Variants in SNTG2 observed in about 807,000 individuals in gnomAD.
The protein encoded by SNTG2 is syntrophin gamma 2, also known as gamma-2-syntrophin.
A neutral mutation model predicts 70.9 loss-of-function variants in SNTG2; 74 were observed. That is an observed-to-expected ratio of 1.04 (90% CI 0.86 to 1.27). The LOEUF is 1.27. Among genes scored for constraint, SNTG2 ranks in the 50% most tolerant of loss-of-function variants. The pLI, the probability that SNTG2 is intolerant of heterozygous loss-of-function variation, is 0.00. For synonymous variants in SNTG2, 278 were observed against 273.8 expected, an observed-to-expected ratio of 1.02 and a Z score of -0.15; for missense variants, 717 against 690.7, an observed-to-expected ratio of 1.04 and a Z score of -0.43.
intron 16 of SNTG2, among the ~76,000 whole-genome samples, chr2:1,366,634 G>A (rs148544171): frequency 6.6e-6 from 1 of 152,310 alleles, no homozygotes; most frequent in African/African-American, 2.4e-5. Flanking sequence ...GTAGCCATGG[G>A]GACAGGGTGG....
intron 1 of SNTG2, among the ~76,000 whole-genome samples, chr2:1,014,820 G>C (rs529773731): frequency 6.6e-6 from 1 of 152,304 alleles, no homozygotes; most frequent in Admixed American, 6.5e-5. Flanking sequence ...AGGGTGGAGA[G>C]ACATGGAATT....
intron 14 of SNTG2, among the ~76,000 whole-genome samples, chr2:1,274,241 C>T (rs529738487): frequency 1.4e-4 from 22 of 152,312 alleles, no homozygotes; most frequent in African/African-American, 5.3e-4. Flanking sequence ...GACAAATTCG[C>T]CACAAGATCC....
At chr2:1,193,127 C>A (rs918655800) in intron 8 of SNTG2, among the ~76,000 whole-genome samples, 3 of 152,182 alleles carry the variant, frequency 2.0e-5, no homozygotes, top group Admixed American at 6.5e-5. Flanking sequence ...GCAGCAGGCC[C>A]CCCAAATTCC....
Position 1,085,765 on chromosome 2 carries a change from A to G in SNTG2, c.210+2110A>G, listed in dbSNP as rs1664646869. The stretch of plus-strand genomic sequence containing the variant: ...TCTCAGGATTCTGTCTCCCAGAGAC[A>G]GTGTGGGCTTTCAGGACGGGAGAGC... On this transcript the variant is annotated intron_variant, in intron 2 of 16. Transcript: ENST00000308624. Among the ~76,000 whole-genome samples, 3 of 152,360 alleles carry G rather than the reference A, an allele frequency of 2.0e-5. No individual in the cohort carries two copies. The South Asian group carries it at 6.2e-4, about 32-fold the overall frequency.
In SNTG2 at chr2:1,005,806, AATATATATATATATATAT is replaced by A. The variant is rs56246912; in HGVS notation, c.72+54790_72+54807del. ...GCGACAGAGCAAGACTCTGCCTCAA[AATATATATATATATATAT>A]ATATATATATATATATATATATATA... On this transcript the variant is annotated intron_variant, in intron 1 of 16. Transcript: ENST00000308624. Among the ~76,000 whole-genome samples the A allele has an allele frequency of 2.3e-3, 73 of 31,202 alleles. 3 individuals carry two copies. The highest frequency in any genetic ancestry group is 4.2e-3 in the East Asian group (4 of 952). The allele number at this position is 31,202 out of a possible 152,430, so 20.5% of individuals were successfully genotyped here. A position where few individuals can be genotyped will look rare whatever the true frequency, so the allele number is the denominator to read the frequency against.
At chr2:1,235,218 C>T (rs1333223084) in intron 9 of SNTG2, among the ~76,000 whole-genome samples, 2 of 144,292 alleles carry the variant, frequency 1.4e-5, no homozygotes, top group Admixed American at 6.8e-5. Context: ...CCACCAGGCA[C>T]CCCCGATTCA....
intron 1 of SNTG2, among the ~76,000 whole-genome samples, chr2:971,743 G>A (rs1660748721): frequency 1.3e-5 from 2 of 149,242 alleles, no homozygotes; most frequent in Non-Finnish European, 3.0e-5. Flanking sequence ...CTTAAGATAT[G>A]ATGTTAGGTT....
chr2:988,066 C>A (rs1407565566), intron 1 of SNTG2, among the ~76,000 whole-genome samples: 1 of 152,242 alleles, frequency 6.6e-6, no homozygotes, highest in East Asian at 1.9e-4. Flanking sequence ...CCTCCCGCCC[C>A]TTTGGCAGGA....
intron 6 of SNTG2, among the ~76,000 whole-genome samples, chr2:1,144,170 A>G (rs1319805026): frequency 6.6e-6 from 1 of 152,148 alleles, no homozygotes; most frequent in African/African-American, 2.4e-5. Flanking sequence ...ACCCCGAGAC[A>G]TATGGGAAAG....
chr2:1,049,874 T>C (rs148084839), intron 1 of SNTG2, among the ~76,000 whole-genome samples: 264 of 152,354 alleles, frequency 1.7e-3, no homozygotes, highest in African/African-American at 6.2e-3. Context: ...CTGTTTTAAC[T>C]GGCAGTTCTC....
chr2:1,157,515 C>T (rs865971225), intron 6 of SNTG2, among the ~76,000 whole-genome samples: 1 of 152,200 alleles, frequency 6.6e-6, no homozygotes, highest in South Asian at 2.1e-4. Context: ...CAGGGCTGTG[C>T]ACGTCCCTCA....
chr2:1,222,109 C>CTGCCTATCTCTGTCTCTGTTTCTCTCTG (rs760978420), intron 9 of SNTG2, among the ~76,000 whole-genome samples: 1 of 44,530 alleles, frequency 2.2e-5, no homozygotes, highest in Non-Finnish European at 4.6e-5. Flanking sequence ...CTCTCTGTCT[C>CTGCCTATCTCTGTCTCTGTTTCTCTCTG]TCTCTGTCTC....
rs1345051548 is a variant in SNTG2, at chr2:1,222,605, GT to G, written c.719+13376del. ...CTCCCTGTCCTGCCTGCTGCTGGAGGTGCTGGATCGCTGTAGAGGAAAGCGG... is the reference window on the plus strand; with the variant it reads ...CTCCCTGTCCTGCCTGCTGCTGGAGGGCTGGATCGCTGTAGAGGAAAGCGG... On this transcript the variant is annotated intron_variant, in intron 9 of 16. Transcript: ENST00000308624. Among the ~76,000 whole-genome samples, 19 of 4,702 alleles carry G rather than the reference GT, an allele frequency of 4.0e-3. 3 individuals are homozygous for G. Among genetic ancestry groups the G allele is most frequent in the Middle Eastern group, 0.031 (1 of 32 alleles). The allele number at this position is 4,702 out of a possible 152,430, so 3.1% of individuals were successfully genotyped here.
At chr2:1,312,332 G>A (rs970174366) in intron 15 of SNTG2, among the ~76,000 whole-genome samples, 1 of 152,186 alleles carries the variant, frequency 6.6e-6, no homozygotes, top group Non-Finnish European at 1.5e-5. Context: ...CCAGGCCGGC[G>A]GGGCCTCTGG....
intron 1 of SNTG2, among the ~76,000 whole-genome samples, chr2:994,927 T>C (rs1473446089): frequency 1.3e-5 from 2 of 151,296 alleles, no homozygotes; most frequent in Non-Finnish European, 3.0e-5. Context: ...TCCTGCCACA[T>C]TGCCAAACTC....
intron 1 of SNTG2, among the ~76,000 whole-genome samples, chr2:1,047,818 C>G (rs1275698811): frequency 6.6e-6 from 1 of 152,156 alleles, no homozygotes. Flanking sequence ...TATATCTCAG[C>G]TTGACACTTT....
chr2:1,295,485 A>G (rs1680162485), intron 14 of SNTG2, among the ~76,000 whole-genome samples: 1 of 152,228 alleles, frequency 6.6e-6, no homozygotes, highest in Admixed American at 6.5e-5. Context: ...TTATAATAAT[A>G]CAGAGAAAGT....
intron 1 of SNTG2, among the ~76,000 whole-genome samples, chr2:1,037,913 A>G (rs1309061972): frequency 6.6e-6 from 1 of 152,094 alleles, no homozygotes; most frequent in Non-Finnish European, 1.5e-5. Flanking sequence ...GTGGTGTTCA[A>G]GCTTTGGTGT....
At chr2:1,198,261 C>T (rs1258790562) in intron 8 of SNTG2, among the ~76,000 whole-genome samples, 2 of 151,714 alleles carry the variant, frequency 1.3e-5, no homozygotes, top group African/African-American at 4.8e-5. Flanking sequence ...ACCATTGGGT[C>T]AATAAAGAAT....
Sources: allele counts gnomAD v4.1 joint callset (sites outside exome capture counted in the v4.1 genomes callset), GRCh38; gene constraint gnomAD v4.1.1; transcripts MANE v1.5; gene names NCBI Gene and HGNC (gene_info 2026-07-23, HGNC 2026-07-21).